SLC37A3: variants seen among roughly 807,000 people sequenced by gnomAD.
SLC37A3 encodes the protein sugar phosphate exchanger 3.
SLC37A3 carries 51 observed loss-of-function variants against 67.1 expected under a neutral mutation model. The observed-to-expected ratio is 0.76, with a 90% CI of 0.61 to 0.96. The LOEUF is 0.96. Ranked by LOEUF, SLC37A3 falls within the 40% of genes least tolerant of loss-of-function variation. The probability of loss-of-function intolerance (pLI) is 0.00; values close to 1 mark genes in which losing one functional copy is unlikely to be tolerated. For missense variants in SLC37A3, 508 were observed against 603.0 expected, an observed-to-expected ratio of 0.84 and a Z score of 1.65; for synonymous variants, 214 against 231.4, an observed-to-expected ratio of 0.92 and a Z score of 0.68.
chr7:140,334,952 A>T lies in SLC37A3; in HGVS notation c.*460T>A. 2.8e-6 allele frequency: 1 copy of T among 351,984 alleles called. No individual in the cohort carries two copies. Among genetic ancestry groups the T allele is most frequent in the Non-Finnish European group, 5.4e-6 (1 of 184,438 alleles). The allele number at this position is 351,984 out of a possible 1,614,324, so 21.8% of individuals were successfully genotyped here. ...GGATTTGATGCTTCAAAGATGACCC[A>T]CTCTCTGTAAACTCATTACCAAAGC... On this transcript the variant is annotated 3_prime_UTR_variant, in exon 15 of 15. Coordinates refer to ENST00000326232, the MANE Select transcript of SLC37A3 (RefSeq NM_207113.3).
intron 7 of SLC37A3, among the ~76,000 whole-genome samples, chr7:140,355,308 T>G (rs1265302492): frequency 6.6e-6 from 1 of 151,882 alleles, no homozygotes; most frequent in African/African-American, 2.4e-5. Flanking sequence ...GCCTCGTGGG[T>G]TCAAACGATT....
chr7:140,398,225 A>G (rs1271912464), intron 1 of SLC37A3, among the ~76,000 whole-genome samples, 191 bp downstream of exon 1: 1 of 152,008 alleles, frequency 6.6e-6, no homozygotes, highest in Non-Finnish European at 1.5e-5. Flanking sequence ...CCTCCCCGTG[A>G]CGGCCGGGAC....
intron 5 of SLC37A3, among the ~76,000 whole-genome samples, chr7:140,361,018 T>G (rs1275381479): frequency 6.6e-6 from 1 of 151,988 alleles, no homozygotes; most frequent in Non-Finnish European, 1.5e-5. Flanking sequence ...GCAGACTGTT[T>G]CAAGTGCCTG....
At chr7:140,385,183 A>G (rs574248322) in intron 1 of SLC37A3, among the ~76,000 whole-genome samples, 4 of 152,350 alleles carry the variant, frequency 2.6e-5, no homozygotes, top group Non-Finnish European at 5.9e-5. Context: ...TAATTATATT[A>G]GCCACTGATC....
rs76089276 is a variant in SLC37A3, at chr7:140,351,316, G to A, written c.839C>T (p.Ala280Val). The part of the protein sequence containing the change: ...QDDSSVAQVK[A>V]ISFYQACCLP... ...GCAACATGCCTGGTAGAAGCTTATCGCCTTGACTTGGGCAACAGAACTATC... is the reference window on the plus strand; with the variant it reads ...GCAACATGCCTGGTAGAAGCTTATCACCTTGACTTGGGCAACAGAACTATC... Residue 280 changes from alanine to valine, a missense_variant, in exon 9 of 15, where the codon GCG becomes GTG. Physicochemically the swap from Ala to Val is moderately conservative, Grantham distance 64 (BLOSUM62 0). Coordinates refer to ENST00000326232, the MANE Select transcript of SLC37A3 (RefSeq NM_207113.3). 8,979 of 1,614,056 alleles carry A rather than the reference G, an allele frequency of 5.6e-3. 438 individuals carry two copies. In the African/African-American group the frequency reaches 0.1, roughly 19 times the overall value.
chr7:140,357,778 G>A (rs899406530), intron 6 of SLC37A3, among the ~76,000 whole-genome samples: 1 of 152,030 alleles, frequency 6.6e-6, no homozygotes, highest in Admixed American at 6.6e-5. Flanking sequence ...CTAGCCAGGT[G>A]TGGGGGCACA....
chr7:140,357,490 G>C (rs746222472), intron 6 of SLC37A3, among the ~76,000 whole-genome samples: 4 of 151,682 alleles, frequency 2.6e-5, no homozygotes, highest in African/African-American at 9.7e-5. Flanking sequence ...CCAGCACTTC[G>C]GGAGGCCGAG....
At chr7:140,362,901 C>CGG (rs1190488654) in intron 5 of SLC37A3, among the ~76,000 whole-genome samples, 2 of 16,868 alleles carry the variant, frequency 1.2e-4, no homozygotes, top group South Asian at 3.3e-3. Context: ...GGGAGGGAGG[C>CGG]GGGGGGGGGG....
intron 13 of SLC37A3, among the ~76,000 whole-genome samples, chr7:140,338,439 G>A (rs1796228324): frequency 6.6e-6 from 1 of 152,014 alleles, no homozygotes; most frequent in African/African-American, 2.4e-5. Flanking sequence ...GTTTAACTTA[G>A]CATAATGCTT....
chr7:140,340,941 A>G (rs954594470), intron 13 of SLC37A3, among the ~76,000 whole-genome samples: 16 of 134,234 alleles, frequency 1.2e-4, no homozygotes, highest in African/African-American at 4.8e-4. Context: ...CAAAAAAAAA[A>G]AATAGAGAGA....
At chr7:140,349,815 C>A (rs1796721750) in intron 9 of SLC37A3, among the ~76,000 whole-genome samples, 1 of 152,106 alleles carries the variant, frequency 6.6e-6, no homozygotes, top group Non-Finnish European at 1.5e-5. Context: ...CAAAAGAGGT[C>A]CATATTTAGT....
chr7:140,365,053 C>G (rs1405269947), intron 4 of SLC37A3, among the ~76,000 whole-genome samples: 1 of 152,134 alleles, frequency 6.6e-6, no homozygotes, highest in East Asian at 1.9e-4. Context: ...TTGAATCTGA[C>G]CCTTGGGTTT....
At chr7:140,336,558 G>A (rs1048719410) in intron 14 of SLC37A3, among the ~76,000 whole-genome samples, 8 of 152,142 alleles carry the variant, frequency 5.3e-5, no homozygotes, top group East Asian at 3.8e-4. Context: ...TTTTAGAACC[G>A]GGAAACATGA....
intron 5 of SLC37A3, among the ~76,000 whole-genome samples, chr7:140,361,543 CTCTCCGT>C (rs1797290979): frequency 8.2e-6 from 1 of 122,434 alleles, no homozygotes; most frequent in Non-Finnish European, 1.7e-5. Flanking sequence ...CCCTCTCTCC[CTCTCCGT>C]CTCCCTCTCT....
chr7:140,336,288 T>A (rs1335934573), intron 14 of SLC37A3, among the ~76,000 whole-genome samples: 1 of 152,232 alleles, frequency 6.6e-6, no homozygotes, highest in Non-Finnish European at 1.5e-5. Flanking sequence ...CACACACCTA[T>A]AGTCCCAGGT....
In SLC37A3 at chr7:140,334,369, A is replaced by G. The variant is rs1489853873; in HGVS notation, c.*1043T>C. ...GGGTATTAAATGCATTTGACTTCCA[A>G]TGGGTTTACTGGGACATAACCCCAT... On this transcript the variant is annotated 3_prime_UTR_variant, in exon 15 of 15. Coordinates refer to ENST00000326232, the MANE Select transcript of SLC37A3 (RefSeq NM_207113.3). 6.6e-6 allele frequency: 1 copy of G among 152,324 alleles called. No homozygotes were observed. Among genetic ancestry groups the G allele is most frequent in the African/African-American group, 2.4e-5 (1 of 41,434 alleles). 9.4% of individuals were successfully genotyped at this position (152,324 alleles called of 1,614,324 possible). A position where few individuals can be genotyped will look rare whatever the true frequency, so the allele number is the denominator to read the frequency against.
At chr7:140,384,555 T>G (rs4524706) in intron 1 of SLC37A3, among the ~76,000 whole-genome samples, 5,276 of 141,436 alleles carry the variant, frequency 0.037, 138 homozygotes, top group South Asian at 0.081. Flanking sequence ...CTACAAAAAC[T>G]AAAAAAAAAA....
At chr7:140,350,654 C>A (rs1221915510) in intron 9 of SLC37A3, among the ~76,000 whole-genome samples, 2 of 152,110 alleles carry the variant, frequency 1.3e-5, no homozygotes, top group African/African-American at 4.8e-5. Flanking sequence ...ATCCCAGCTA[C>A]TCGGGAGGCT....
chr7:140,353,533 T>C (rs1215319682), intron 7 of SLC37A3, among the ~76,000 whole-genome samples: 1 of 151,810 alleles, frequency 6.6e-6, no homozygotes, highest in Non-Finnish European at 1.5e-5. Flanking sequence ...ACCTTCCCCA[T>C]CTGCTCAATT....
Sources: allele counts gnomAD v4.1 joint callset (sites outside exome capture counted in the v4.1 genomes callset), GRCh38; gene constraint gnomAD v4.1.1; transcripts MANE v1.5; gene names NCBI Gene and HGNC (gene_info 2026-07-23, HGNC 2026-07-21).